MPHOSPH9: variants seen among roughly 807,000 people sequenced by gnomAD.
MPHOSPH9 encodes the protein M-phase phosphoprotein 9.
Under a neutral mutation model 145.5 loss-of-function variants are expected in MPHOSPH9, and 88 were observed. The ratio of observed to expected loss-of-function variants is 0.60; its 90% CI spans 0.51 to 0.72. The LOEUF is 0.72. Ranked by LOEUF, MPHOSPH9 falls within the 30% of genes least tolerant of loss-of-function variation. MPHOSPH9 has a pLI of 0.00. For synonymous variants in MPHOSPH9, 435 were observed against 486.2 expected (o/e 0.89, Z 1.39); for missense variants, 1,238 against 1,386.6 (o/e 0.89, Z 1.70).
chr12:123,203,139 T>C (rs973093217), intron 9 of MPHOSPH9, 55 bp from the exon 10 acceptor site: 1 of 1,585,332 alleles, frequency 6.3e-7, no homozygotes, highest in African/African-American at 1.4e-5. Flanking sequence ...TTGTTTTGCT[T>C]GTTTTGAAGT....
At chr12:123,170,049 C>T (rs1470230804) in intron 16 of MPHOSPH9, among the ~76,000 whole-genome samples, 3 of 150,498 alleles carry the variant, frequency 2.0e-5, no homozygotes, top group Non-Finnish European at 2.9e-5. Context: ...ATGATCATGG[C>T]TCAGTACAGC....
At chr12:123,178,347 A>G (rs1012433725) in intron 15 of MPHOSPH9, among the ~76,000 whole-genome samples, 1 of 152,252 alleles carries the variant, frequency 6.6e-6, no homozygotes, top group Non-Finnish European at 1.5e-5. Context: ...AGCTATCACT[A>G]GAACTGAATG....
At chr12:123,225,496 A>G in intron 3 of MPHOSPH9, among the ~76,000 whole-genome samples, 1 of 143,262 alleles carries the variant, frequency 7.0e-6, no homozygotes. Context: ...AAGAGGAGAA[A>G]AAGAAACAAA....
At chr12:123,236,604 A>G (rs539903977), upstream of MPHOSPH9, among the ~76,000 whole-genome samples, 11 of 152,202 alleles carry the variant, frequency 7.2e-5, no homozygotes, top group Admixed American at 3.9e-4. Flanking sequence ...AAAAAAAAAA[A>G]AAGAAGAAGA....
At chr12:123,168,961 G>T (rs566422781) in intron 16 of MPHOSPH9, among the ~76,000 whole-genome samples, 9 of 150,224 alleles carry the variant, frequency 6.0e-5, no homozygotes, top group Non-Finnish European at 1.2e-4. Flanking sequence ...CTCGGCTCAC[G>T]GCAAGCTCTG....
intron 6 of MPHOSPH9, among the ~76,000 whole-genome samples, chr12:123,217,467 G>A (rs1182489170): frequency 6.6e-6 from 1 of 151,854 alleles, no homozygotes; most frequent in African/African-American, 2.4e-5. Context: ...AAAGTGCTGG[G>A]ATTACAAGCA....
chr12:123,176,940 C>A (rs995700047), intron 15 of MPHOSPH9, 151 bp from the exon 16 acceptor site: 47 of 623,076 alleles, frequency 7.5e-5, no homozygotes, highest in Non-Finnish European at 2.5e-5. Context: ...CCCTGTAATC[C>A]CAGCACTTTG....
chr12:123,238,321 GGT>G (rs2047882585), intron 1 of MPHOSPH9, among the ~76,000 whole-genome samples: 1 of 152,076 alleles, frequency 6.6e-6, no homozygotes, highest in Non-Finnish European at 1.5e-5. Context: ...ATTGCACGTT[GGT>G]CTGTTTAAGC....
chr12:123,233,963 GT>G (rs979197568), upstream of MPHOSPH9: 209 of 148,648 alleles, frequency 1.4e-3, 4 homozygotes, highest in East Asian at 0.031. Context: ...GGAGATACTC[GT>G]TTTTTTTTTA....
chr12:123,200,992 A>G (rs182074258), intron 11 of MPHOSPH9, among the ~76,000 whole-genome samples: 125 of 152,234 alleles, frequency 8.2e-4, no homozygotes, highest in Admixed American at 2.3e-3. Flanking sequence ...ACAATAATAA[A>G]AAAACCAACT....
At chr12:123,241,070 T>C (rs1325780027) in intron 1 of MPHOSPH9, among the ~76,000 whole-genome samples, 1 of 151,898 alleles carries the variant, frequency 6.6e-6, no homozygotes, top group Non-Finnish European at 1.5e-5. Context: ...CCATCCTCTT[T>C]ACTTCTCTCC....
chr12:123,177,274 C>A (rs747802876), intron 15 of MPHOSPH9, among the ~76,000 whole-genome samples: 7 of 152,288 alleles, frequency 4.6e-5, no homozygotes, highest in Non-Finnish European at 8.8e-5. Flanking sequence ...TGGCTCACGC[C>A]TGTAATCCCA....
chr12:123,225,321 G>A (rs1312569698), intron 3 of MPHOSPH9, among the ~76,000 whole-genome samples: 1 of 150,412 alleles, frequency 6.6e-6, no homozygotes, highest in African/African-American at 2.4e-5. Flanking sequence ...GTGTGCACCT[G>A]TAGTCCCAGC....
chr12:123,164,978 A>G (rs1320681920), intron 18 of MPHOSPH9, among the ~76,000 whole-genome samples: 4 of 139,922 alleles, frequency 2.9e-5, no homozygotes, highest in Non-Finnish European at 4.6e-5. Context: ...ACTGCACTCC[A>G]GCCTGGGCAA....
At position 123,221,623 on chromosome 12, in the gene MPHOSPH9, T is replaced by C; in HGVS notation, c.621A>G (p.Leu207=). ...TAGGGTCTTTAGATTTGTACAGATT[T>C]AATTCTGAGATACAAAAGGTGCCAT... ...SGYGTFCISE[L]NLYKSKDPKE... is the part of the protein sequence containing the mutation. Residue 207 remains leucine, a synonymous_variant, in exon 5 of 24, where the codon TTA becomes TTG. Transcript: ENST00000606320. The C allele has an allele frequency of 6.2e-7, 1 of 1,614,188 alleles. No homozygotes were observed. Among genetic ancestry groups the C allele is most frequent in the Non-Finnish European group, 8.5e-7 (1 of 1,180,016 alleles).
In MPHOSPH9 at chr12:123,164,015, C is replaced by T. The variant is rs960422109; in HGVS notation, c.2843G>A (p.Arg948Lys). 3.7e-6 allele frequency: 6 copies of T among 1,614,004 alleles called. No individual in the cohort carries two copies. The highest frequency in any genetic ancestry group is 5.1e-6 in the Non-Finnish European group (6 of 1,180,008). Reference sequence around the variant, plus strand: ...TGATCTCTGTGAGGCCGAATTAAGTCTCTTTTGTCTCTGTTGGGCACACTT... The same window carrying T: ...TGATCTCTGTGAGGCCGAATTAAGTTTCTTTTGTCTCTGTTGGGCACACTT... The part of the protein sequence containing the change: ...PEKCAQQRQK[R>K]LNSASQRSSS... Residue 948 changes from arginine to lysine, a missense_variant, in exon 19 of 24, where the codon AGA (arginine) becomes AAA (lysine). Around this residue, in one of 3 missense-constraint regions of MPHOSPH9, gnomAD observed 393 missense variants for 462.5 expected, o/e 0.85. Transcript: ENST00000606320.
chr12:123,203,127 C>T (rs2046292545), intron 9 of MPHOSPH9, 43 bp from the exon 10 acceptor site: 1 of 1,588,330 alleles, frequency 6.3e-7, no homozygotes, highest in Non-Finnish European at 8.6e-7. Context: ...CAGAACTCGG[C>T]TTTGTTTTGC....
chr12:123,191,383 C>G (rs1424091936), intron 13 of MPHOSPH9, among the ~76,000 whole-genome samples: 1 of 152,092 alleles, frequency 6.6e-6, no homozygotes, highest in East Asian at 1.9e-4. Flanking sequence ...ATACTCAGTA[C>G]CAGTTCAAGT....
At chr12:123,211,375 C>A (rs1344425238) in intron 7 of MPHOSPH9, among the ~76,000 whole-genome samples, 3 of 152,166 alleles carry the variant, frequency 2.0e-5, no homozygotes, top group Admixed American at 2.0e-4. Context: ...CCCGCCCCGG[C>A]CTCCCAAAGT....
Sources: gnomAD v4.1 joint callset for allele counts (sites outside exome capture counted in the v4.1 genomes callset) on GRCh38, gnomAD v4.1.1 for gene constraint, gnomAD v4.1.1 regional missense constraint, MANE v1.5 for transcripts, NCBI Gene and HGNC (gene_info 2026-07-23, HGNC 2026-07-21) for gene names.